The following CHRM3 variants were observed in gnomAD, a reference collection of about 807,000 sequenced individuals.
The protein encoded by CHRM3 is muscarinic acetylcholine receptor M3.
CHRM3 carries 11 observed loss-of-function variants against 41.8 expected under a neutral mutation model. The observed-to-expected ratio is 0.26, with a 90% CI of 0.17 to 0.44. The LOEUF (loss-of-function observed/expected upper bound fraction) is 0.44, where lower values mean the gene tolerates loss of function less well. Among genes scored for constraint, CHRM3 ranks in the 20% least tolerant of loss-of-function variants. The pLI, the probability that CHRM3 is intolerant of heterozygous loss-of-function variation, is 1.00. For missense variants in CHRM3, 571 were observed against 745.4 expected (o/e 0.77, Z 2.72); for synonymous variants, 297 against 301.4 (o/e 0.99, Z 0.15).
chr1:239,527,569 C>T (rs905813736), intron 2 of CHRM3, among the ~76,000 whole-genome samples: 3 of 152,156 alleles, frequency 2.0e-5, no homozygotes, highest in Non-Finnish European at 2.9e-5. Flanking sequence ...TCAAGGTGAG[C>T]TCCCACTCAT....
intron 3 of CHRM3, among the ~76,000 whole-genome samples, chr1:239,606,367 C>G (rs942655371): frequency 1.3e-5 from 2 of 151,994 alleles, no homozygotes; most frequent in Admixed American, 1.3e-4. Flanking sequence ...CCTCCGCCTC[C>G]TGGGTTCATG....
intron 1 of CHRM3, among the ~76,000 whole-genome samples, chr1:239,434,682 A>C (rs1298388909): frequency 6.6e-6 from 1 of 152,218 alleles, no homozygotes; most frequent in Non-Finnish European, 1.5e-5. Flanking sequence ...TTCAATATAC[A>C]TCAATGAGCA....
chr1:239,690,030 G>C (rs1482008545), intron 5 of CHRM3, among the ~76,000 whole-genome samples: 2 of 144,702 alleles, frequency 1.4e-5, no homozygotes, highest in African/African-American at 2.7e-5. Flanking sequence ...GAGAGAGAGA[G>C]ACAGAGAGAG....
At chr1:239,536,555 C>T (rs1428091507) in intron 2 of CHRM3, among the ~76,000 whole-genome samples, 1 of 152,150 alleles carries the variant, frequency 6.6e-6, no homozygotes, top group African/African-American at 2.4e-5. Context: ...ATTAGTAAAC[C>T]ATCATCCACT....
At chr1:239,678,749 C>T (rs1658249311) in intron 5 of CHRM3, among the ~76,000 whole-genome samples, 1 of 152,120 alleles carries the variant, frequency 6.6e-6, no homozygotes, top group African/African-American at 2.4e-5. Context: ...AAAATGACTA[C>T]ATATGTGAAT....
chr1:239,781,302 G>A (rs1017484886), intron 5 of CHRM3, among the ~76,000 whole-genome samples: 3 of 152,036 alleles, frequency 2.0e-5, no homozygotes, highest in African/African-American at 7.2e-5. Context: ...GAGTTTCAGA[G>A]TTTTCCTCAT....
At chr1:239,471,505 A>G (rs1048932033) in intron 1 of CHRM3, among the ~76,000 whole-genome samples, 1 of 152,226 alleles carries the variant, frequency 6.6e-6, no homozygotes, top group African/African-American at 2.4e-5. Context: ...CTTATGGCTC[A>G]GAGAGCCTGA....
chr1:239,871,422 A>G (rs749291503), intron 6 of CHRM3, among the ~76,000 whole-genome samples: 3 of 151,978 alleles, frequency 2.0e-5, no homozygotes, highest in Non-Finnish European at 2.9e-5. Context: ...TTGTATTTTT[A>G]GTAGAGACGA....
rs546075411 is a variant in CHRM3, at chr1:239,642,869, C to T, written c.-250+10583C>T. On this transcript the variant is annotated intron_variant, in intron 4 of 6. Coordinates refer to ENST00000676153, the MANE Select transcript of CHRM3 (RefSeq NM_001375978.1). ...GTTTTTAGAGTTTCCAGTTTTTCTG[C>T]TCTGTTTTTTCCCCATCTTTGTGGT... Among the ~76,000 whole-genome samples the T allele has an allele frequency of 5.9e-5, 9 of 152,290 alleles. No homozygotes were observed. The South Asian group carries it at 6.2e-4, about 11-fold the overall frequency.
intron 3 of CHRM3, among the ~76,000 whole-genome samples, chr1:239,591,841 G>T (rs1664189898): frequency 6.6e-6 from 1 of 152,138 alleles, no homozygotes; most frequent in Non-Finnish European, 1.5e-5. Flanking sequence ...ATAGCATTTT[G>T]TTTATTTTTA....
Position 239,642,406 on chromosome 1 carries a change from T to C in CHRM3, c.-250+10120T>C, listed in dbSNP as rs541586583. 2.6e-5 allele frequency among the ~76,000 whole-genome samples: 4 copies of C among 152,306 alleles called. No homozygotes were observed. The South Asian group carries it at 8.3e-4, about 32-fold the overall frequency. ...TCCCCGTCACTTTCAGGTACACCAATCAGATGTAGATTTGGTCTTTTGACA... is the reference window on the plus strand; with the variant it reads ...TCCCCGTCACTTTCAGGTACACCAACCAGATGTAGATTTGGTCTTTTGACA... On this transcript the variant is annotated intron_variant, in intron 4 of 6. Coordinates refer to ENST00000676153, the MANE Select transcript of CHRM3 (RefSeq NM_001375978.1).
intron 3 of CHRM3, among the ~76,000 whole-genome samples, chr1:239,614,604 A>G (rs894147814): frequency 6.6e-6 from 1 of 152,234 alleles, no homozygotes; most frequent in Non-Finnish European, 1.5e-5. Flanking sequence ...CATAATGGTT[A>G]GAATTTTCAC....
intron 5 of CHRM3, among the ~76,000 whole-genome samples, chr1:239,796,651 A>G (rs772389768): frequency 1.3e-5 from 2 of 152,146 alleles, no homozygotes; most frequent in Non-Finnish European, 2.9e-5. Flanking sequence ...AGGAAAGGCC[A>G]GTTCCCAGAA....
At chr1:239,826,324 T>C (rs570812534) in intron 5 of CHRM3, among the ~76,000 whole-genome samples, 6 of 152,334 alleles carry the variant, frequency 3.9e-5, no homozygotes, top group African/African-American at 1.4e-4. Flanking sequence ...TTATAGTTCC[T>C]GTTGCCATTT....
intron 3 of CHRM3, among the ~76,000 whole-genome samples, chr1:239,565,561 C>A (rs1348617813): frequency 6.6e-6 from 1 of 151,942 alleles, no homozygotes; most frequent in Non-Finnish European, 1.5e-5. Flanking sequence ...AATGTTTCGG[C>A]AAAAATAGAT....
intron 1 of CHRM3, among the ~76,000 whole-genome samples, chr1:239,424,454 A>G (rs1662213577): frequency 6.6e-6 from 1 of 152,190 alleles, no homozygotes; most frequent in African/African-American, 2.4e-5. Context: ...TGGAAACTGA[A>G]ATGGACATGA....
intron 4 of CHRM3, among the ~76,000 whole-genome samples, chr1:239,672,868 G>T (rs983165927): frequency 7.2e-5 from 11 of 152,076 alleles, no homozygotes; most frequent in Non-Finnish European, 1.0e-4. Context: ...GGGTAGTGCA[G>T]TTTCCCCACC....
chr1:239,685,702 G>C (rs1312227823), intron 5 of CHRM3, among the ~76,000 whole-genome samples: 1 of 152,072 alleles, frequency 6.6e-6, no homozygotes, highest in Non-Finnish European at 1.5e-5. Flanking sequence ...TGTGCTCATA[G>C]TCCCAGCTAC....
At chr1:239,890,486 C>T (rs1412339243) in intron 6 of CHRM3, among the ~76,000 whole-genome samples, 1 of 152,228 alleles carries the variant, frequency 6.6e-6, no homozygotes, top group East Asian at 1.9e-4. Context: ...CATCAGTGTC[C>T]TCATACATAC....
Sources: allele counts gnomAD v4.1 joint callset (sites outside exome capture counted in the v4.1 genomes callset), GRCh38; gene constraint gnomAD v4.1.1; transcripts MANE v1.5; gene names NCBI Gene and HGNC (gene_info 2026-07-23, HGNC 2026-07-21).